GRIN2A: variants seen among roughly 807,000 people sequenced by gnomAD.
GRIN2A encodes glutamate receptor ionotropic, NMDA 2A.
Under a neutral mutation model 113.4 loss-of-function variants are expected in GRIN2A, and 22 were observed. That is an observed-to-expected ratio of 0.19 (90% CI 0.14 to 0.28). The LOEUF (loss-of-function observed/expected upper bound fraction) is 0.28. Among genes scored for constraint, GRIN2A ranks in the 10% least tolerant of loss-of-function variants. GRIN2A has a pLI of 1.00. For missense variants in GRIN2A, 1,502 were observed against 1,887.0 expected, an observed-to-expected ratio of 0.80 and a Z score of 3.78; for synonymous variants, 827 against 738.4, an observed-to-expected ratio of 1.12 and a Z score of -1.94.
At chr16:9,946,396 T>A (rs528131387) in intron 2 of GRIN2A, among the ~76,000 whole-genome samples, 1 of 152,326 alleles carries the variant, frequency 6.6e-6, no homozygotes, top group African/African-American at 2.4e-5. Flanking sequence ...GAGGAGCTGA[T>A]AAACTTAAGC....
chr16:9,864,798 T>C (rs7201930), intron 4 of GRIN2A, among the ~76,000 whole-genome samples: 58,422 of 152,022 alleles, frequency 0.38, 12,746 homozygotes, highest in African/African-American at 0.6. Context: ...GTCTGGAACT[T>C]GGTAGCAGGT....
In GRIN2A at chr16:9,869,353, A is replaced by C. The variant is rs2043216844; in HGVS notation, c.1123-19392T>G. 1.3e-5 allele frequency among the ~76,000 whole-genome samples: 2 copies of C among 152,172 alleles called. 1 individual carries two copies. Among genetic ancestry groups the C allele is most frequent in the Non-Finnish European group, 2.9e-5 (2 of 68,034 alleles). On this transcript the variant is annotated intron_variant, in intron 4 of 12. Transcript: ENST00000330684. ...GAGGCTGAGGCATGAGAATCACTTT[A>C]ACCCGAGAGGAAGAGGTTGCAATGA...
intron 12 of GRIN2A, among the ~76,000 whole-genome samples, chr16:9,768,485 C>T (rs1901056122): frequency 6.6e-6 from 1 of 152,170 alleles, no homozygotes; most frequent in African/African-American, 2.4e-5. Flanking sequence ...TAAGACAATA[C>T]TCAGCAGGAG....
chr16:10,040,157 CTT>C (rs2047134065), intron 2 of GRIN2A, among the ~76,000 whole-genome samples: 1 of 20,240 alleles, frequency 4.9e-5, no homozygotes, highest in African/African-American at 1.9e-4. Context: ...ACACTCGCAA[CTT>C]CACTCAGTGC....
At chr16:9,765,591 A>G (rs1900863894) in intron 12 of GRIN2A, among the ~76,000 whole-genome samples, 2 of 152,184 alleles carry the variant, frequency 1.3e-5, no homozygotes, top group Admixed American at 1.3e-4. Flanking sequence ...GGATAGAAGG[A>G]GTTGCAGACT....
chr16:9,873,190 G>C (rs577048560), intron 4 of GRIN2A, among the ~76,000 whole-genome samples: 6 of 152,202 alleles, frequency 3.9e-5, no homozygotes, highest in Non-Finnish European at 7.3e-5. Flanking sequence ...AGGCAAGTGG[G>C]TGTGAGGGAG....
intron 3 of GRIN2A, among the ~76,000 whole-genome samples, chr16:9,903,777 CCACT>C (rs1425311747): frequency 6.6e-6 from 1 of 152,204 alleles, no homozygotes; most frequent in Non-Finnish European, 1.5e-5. Flanking sequence ...TTGGTCCCAA[CCACT>C]CAGGACTAAT....
At chr16:9,876,604 A>G (rs1461073741) in intron 4 of GRIN2A, among the ~76,000 whole-genome samples, 1 of 151,976 alleles carries the variant, frequency 6.6e-6, no homozygotes, top group African/African-American at 2.4e-5. Context: ...GATCACCCCA[A>G]CATTCCCTAA....
chr16:9,772,273 C>G (rs1010862892), intron 11 of GRIN2A, among the ~76,000 whole-genome samples: 20 of 152,236 alleles, frequency 1.3e-4, no homozygotes, highest in African/African-American at 4.8e-4. Context: ...CACCATGTAC[C>G]TCAGACCTGC....
At chr16:10,072,790 G>A (rs2047782817) in intron 2 of GRIN2A, among the ~76,000 whole-genome samples, 1 of 148,086 alleles carries the variant, frequency 6.8e-6, no homozygotes, top group Non-Finnish European at 1.5e-5. Context: ...TATTTAACAA[G>A]TTATCTGGGT....
At chr16:9,929,568 C>T (rs750148476) in intron 3 of GRIN2A, among the ~76,000 whole-genome samples, 2 of 152,182 alleles carry the variant, frequency 1.3e-5, no homozygotes. Context: ...TAGACCTGTG[C>T]TATGATCTCC....
intron 3 of GRIN2A, among the ~76,000 whole-genome samples, chr16:9,934,124 A>T (rs1231824738): frequency 6.6e-6 from 1 of 152,228 alleles, no homozygotes; most frequent in South Asian, 2.1e-4. Flanking sequence ...TGAAACAAAC[A>T]TTAACCTTTG....
intron 5 of GRIN2A, among the ~76,000 whole-genome samples, chr16:9,846,785 G>A (rs1235112279): frequency 6.6e-6 from 1 of 152,150 alleles, no homozygotes; most frequent in East Asian, 1.9e-4. Context: ...GTAAGAATTA[G>A]GTAAAAGAAA....
At chr16:9,799,171 A>G (rs1438993091) in intron 10 of GRIN2A, among the ~76,000 whole-genome samples, 1 of 152,212 alleles carries the variant, frequency 6.6e-6, no homozygotes, top group Admixed American at 6.5e-5. Flanking sequence ...TGTTGCAGCT[A>G]TTAAACTCTG....
In GRIN2A at chr16:10,098,141, C is replaced by G. The variant is rs185089076; in HGVS notation, c.414+81857G>C. ...ATTAGCAAGCCCAAACAAAAGTGGG[C>G]TAAGGGCATGAACAGATAGTTCTCA... On this transcript the variant is annotated intron_variant, in intron 2 of 12. Coordinates refer to ENST00000330684, the MANE Select transcript of GRIN2A (RefSeq NM_001134407.3). 2.3e-3 allele frequency among the ~76,000 whole-genome samples: 353 copies of G among 152,114 alleles called. 1 individual carries two copies. Among genetic ancestry groups the G allele is most frequent in the African/African-American group, 8.0e-3 (332 of 41,516 alleles).
At chr16:9,789,844 C>T (rs2141205702) in intron 11 of GRIN2A, among the ~76,000 whole-genome samples, 1 of 152,324 alleles carries the variant, frequency 6.6e-6, no homozygotes, top group Non-Finnish European at 1.5e-5. Context: ...AGCTTTATTT[C>T]ACAAGCCCCT....
chr16:10,144,785 G>T (rs772750628), intron 2 of GRIN2A, among the ~76,000 whole-genome samples: 1 of 151,976 alleles, frequency 6.6e-6, no homozygotes, highest in Admixed American at 6.6e-5. Context: ...GCCAGGTGTG[G>T]TGGCACACCC....
chr16:9,987,396 A>G (rs1596391220), intron 2 of GRIN2A, among the ~76,000 whole-genome samples: 1 of 152,222 alleles, frequency 6.6e-6, no homozygotes, highest in Admixed American at 6.5e-5. Flanking sequence ...AGCTAGAATA[A>G]TGTTGTTTTC....
intron 3 of GRIN2A, among the ~76,000 whole-genome samples, chr16:9,899,058 T>A (rs563189646): frequency 2.6e-5 from 4 of 152,246 alleles, no homozygotes; most frequent in African/African-American, 9.6e-5. Context: ...GCCCTGGTGC[T>A]CAATTTCATA....
Sources: gnomAD v4.1 joint callset for allele counts (sites outside exome capture counted in the v4.1 genomes callset) on GRCh38, gnomAD v4.1.1 for gene constraint, MANE v1.5 for transcripts, NCBI Gene and HGNC (gene_info 2026-07-23, HGNC 2026-07-21) for gene names.